Variants in NAV2 observed in about 807,000 individuals in gnomAD.
The protein encoded by NAV2 is neuron navigator 2.
NAV2 carries 54 observed loss-of-function variants against 223.2 expected under a neutral mutation model. That is an observed-to-expected ratio of 0.24 (90% CI 0.19 to 0.30). The LOEUF is 0.30. Among genes scored for constraint, NAV2 ranks in the 10% least tolerant of loss-of-function variants. NAV2 has a pLI of 1.00. For synonymous variants in NAV2, 1,279 were observed against 1,239.3 expected, an observed-to-expected ratio of 1.03 and a Z score of -0.67; for missense variants, 2,806 against 3,147.5, an observed-to-expected ratio of 0.89 and a Z score of 2.60.
intron 31 of NAV2, among the ~76,000 whole-genome samples, chr11:20,098,158 C>G (rs533233984): frequency 1.4e-4 from 21 of 152,276 alleles, no homozygotes; most frequent in African/African-American, 5.1e-4. Flanking sequence ...ACTGCTGAAG[C>G]TTGTGCCCAC....
At chr11:19,674,377 C>T (rs1018277065) in intron 1 of NAV2, among the ~76,000 whole-genome samples, 1 of 152,230 alleles carries the variant, frequency 6.6e-6, no homozygotes, top group Non-Finnish European at 1.5e-5. Context: ...GCCAGAGGGC[C>T]ACTCTTGACA....
chr11:19,773,368 G>A (rs1195370601), intron 1 of NAV2, among the ~76,000 whole-genome samples: 2 of 152,178 alleles, frequency 1.3e-5, no homozygotes, highest in African/African-American at 4.8e-5. Context: ...CACAGTACCA[G>A]AACACTGGGA....
chr11:19,972,296 C>T (rs957358622), intron 10 of NAV2, among the ~76,000 whole-genome samples: 4 of 152,166 alleles, frequency 2.6e-5, no homozygotes, highest in African/African-American at 7.2e-5. Context: ...CTGAAGGTGA[C>T]ATCTGGACGA....
intron 1 of NAV2, among the ~76,000 whole-genome samples, chr11:19,435,265 T>C (rs1417578696): frequency 6.6e-6 from 1 of 152,170 alleles, no homozygotes; most frequent in Middle Eastern, 3.2e-3. Flanking sequence ...AACCACCATT[T>C]TACTCTTTCT....
chr11:20,075,226 T>G (rs1366312905), intron 22 of NAV2, among the ~76,000 whole-genome samples: 1 of 142,470 alleles, frequency 7.0e-6, no homozygotes, highest in Non-Finnish European at 1.5e-5. Flanking sequence ...TGTTTTGTTT[T>G]TTTTTTTTTT....
intron 6 of NAV2, among the ~76,000 whole-genome samples, chr11:19,932,472 C>T (rs897591002): frequency 2.0e-5 from 3 of 152,096 alleles, no homozygotes; most frequent in Non-Finnish European, 4.4e-5. Context: ...GCATGTGCCA[C>T]CACACCCAGC....
chr11:20,056,497 G>A, intron 19 of NAV2: 8 of 1,428,518 alleles, frequency 5.6e-6, no homozygotes, highest in Non-Finnish European at 7.9e-6. Flanking sequence ...AATATTTGGG[G>A]TTGGATTTTT....
chr11:19,521,643 T>A (rs961629272), intron 1 of NAV2, among the ~76,000 whole-genome samples: 6 of 152,190 alleles, frequency 3.9e-5, no homozygotes, highest in African/African-American at 1.4e-4. Flanking sequence ...CCAATAATTA[T>A]ATCTGATATC....
intron 36 of NAV2, among the ~76,000 whole-genome samples, chr11:20,111,992 A>G (rs2062676332): frequency 1.3e-5 from 2 of 152,216 alleles, no homozygotes; most frequent in African/African-American, 4.8e-5. Flanking sequence ...TCCAGGCTGT[A>G]GAGTGGAGAC....
intron 1 of NAV2, among the ~76,000 whole-genome samples, chr11:19,806,059 TGAA>T (rs2058543936): frequency 6.6e-6 from 1 of 152,248 alleles, no homozygotes; most frequent in Admixed American, 6.5e-5. Flanking sequence ...AGTAGTTGAT[TGAA>T]CATGCAATTT....
intron 1 of NAV2, among the ~76,000 whole-genome samples, chr11:19,484,017 G>A (rs12788566): frequency 0.47 from 71,725 of 151,744 alleles, 17,721 homozygotes; most frequent in Admixed American, 0.55. Flanking sequence ...GGTGTGCTCC[G>A]CGTGCCTTCT....
intron 19 of NAV2, chr11:20,056,462 T>C: frequency 9.2e-7 from 1 of 1,090,268 alleles, no homozygotes; most frequent in Non-Finnish European, 1.4e-6. Context: ...GTTATGCCCT[T>C]TTCTTTCTTT....
intron 11 of NAV2, among the ~76,000 whole-genome samples, chr11:19,985,384 T>A (rs1404816576): frequency 2.0e-5 from 3 of 152,166 alleles, no homozygotes; most frequent in Non-Finnish European, 4.4e-5. Flanking sequence ...AACTTGAATG[T>A]GTCCTCCTTA....
intron 1 of NAV2, among the ~76,000 whole-genome samples, chr11:19,489,653 T>C: frequency 6.6e-6 from 1 of 152,218 alleles, no homozygotes; most frequent in African/African-American, 2.4e-5. Flanking sequence ...CACCTGTGCC[T>C]GATTCTCAGC....
At chr11:19,681,098 G>A (rs1232169463) in intron 1 of NAV2, among the ~76,000 whole-genome samples, 1 of 152,200 alleles carries the variant, frequency 6.6e-6, no homozygotes, top group Non-Finnish European at 1.5e-5. Flanking sequence ...AGAAACTGAG[G>A]TGCAGAATTT....
intron 1 of NAV2, among the ~76,000 whole-genome samples, chr11:19,510,298 T>C (rs2043238873): frequency 6.6e-6 from 1 of 152,230 alleles, no homozygotes; most frequent in Non-Finnish European, 1.5e-5. Flanking sequence ...ACTATTTTTA[T>C]GTCTATTTTA....
chr11:20,060,769 T>C (rs574619619), intron 19 of NAV2, among the ~76,000 whole-genome samples: 17 of 152,310 alleles, frequency 1.1e-4, no homozygotes, highest in African/African-American at 4.1e-4. Flanking sequence ...GAGAACTGCA[T>C]GGGCAGAGAC....
At chr11:19,711,814 T>C (rs1461737180), upstream of NAV2, 1 of 152,208 alleles carries the variant, frequency 6.6e-6, no homozygotes, top group Non-Finnish European at 1.5e-5. Flanking sequence ...GCACCAACCA[T>C]CTCATTTAAT....
At chr11:19,593,958 G>A (rs1472428511) in intron 1 of NAV2, among the ~76,000 whole-genome samples, 1 of 151,998 alleles carries the variant, frequency 6.6e-6, no homozygotes, top group East Asian at 1.9e-4. Flanking sequence ...GCCAGCTATG[G>A]GATTTGCACA....
Sources: gnomAD v4.1 joint callset for allele counts (sites outside exome capture counted in the v4.1 genomes callset) on GRCh38, gnomAD v4.1.1 for gene constraint, MANE v1.5 for transcripts, NCBI Gene and HGNC (gene_info 2026-07-23, HGNC 2026-07-21) for gene names.